C8B: variants seen among roughly 807,000 people sequenced by gnomAD.
C8B encodes the protein complement component C8 beta chain.
Under a neutral mutation model 64.6 loss-of-function variants are expected in C8B, and 67 were observed. The observed-to-expected ratio is 1.04, with a 90% CI of 0.85 to 1.27. The LOEUF (loss-of-function observed/expected upper bound fraction) is 1.27, where lower values mean the gene tolerates loss of function less well. C8B is among the 50% of genes most tolerant of loss of function. The pLI is 0.00. For missense variants in C8B, 790 were observed against 725.2 expected, an observed-to-expected ratio of 1.09 and a Z score of -1.03; for synonymous variants, 284 against 257.7, an observed-to-expected ratio of 1.10 and a Z score of -0.98.
At chr1:56,956,170 T>G (rs1052289607) in intron 3 of C8B, among the ~76,000 whole-genome samples, 1 of 152,208 alleles carries the variant, frequency 6.6e-6, no homozygotes. Context: ...GATTTATCAG[T>G]GATAAATGAT....
chr1:56,938,898 A>AAG (rs1553180169), intron 9 of C8B, among the ~76,000 whole-genome samples: 3 of 152,104 alleles, frequency 2.0e-5, no homozygotes, highest in Admixed American at 2.0e-4. Context: ...CCAGAAAAAA[A>AAG]AAATGCATGT....
At chr1:56,932,065 G>C (rs612563) in intron 10 of C8B, among the ~76,000 whole-genome samples, 187 bp from the exon 11 acceptor site, 48,446 of 152,038 alleles carry the variant, frequency 0.32, 8,264 homozygotes, top group East Asian at 0.52. Flanking sequence ...TGCCACGAAG[G>C]GGTGTTTATT....
chr1:56,952,905 A>G (rs1645046953), intron 4 of C8B, among the ~76,000 whole-genome samples: 1 of 152,212 alleles, frequency 6.6e-6, no homozygotes, highest in African/African-American at 2.4e-5. Flanking sequence ...TGTGCTATTT[A>G]TGTATTTGTC....
At position 56,929,434 on chromosome 1, in the gene C8B, G is replaced by A. The variant is rs201800989; in HGVS notation, c.1746C>T (p.Gly582=). The A allele has an allele frequency of 1.6e-5, 25 of 1,612,290 alleles. No individual in the cohort carries two copies. In the South Asian group the frequency reaches 2.6e-4, roughly 17 times the overall value. ...AGCAGTCAAGTGTTTCTGAAGCAGG[G>A]CCTGAACAGGGGCTACCCCCATTTT... ...PPQNGGSPCS[G]PASETLDCS The change falls in exon 12 of 12, where the codon GGC becomes GGT. Residue 582 remains glycine (G), a synonymous_variant. Transcript: ENST00000371237.
rs768540351 is a variant in C8B at position 56,949,671 on chromosome 1, T to G, written c.748A>C (p.Ser250Arg). ...AAACCAAAACTGAAACCAGACTTGCTTGCCATTTTCTCTGTGACATTGCGT... is the reference window on the plus strand; with the variant it reads ...AAACCAAAACTGAAACCAGACTTGCGTGCCATTTTCTCTGTGACATTGCGT... Reference protein sequence around the residue: ...FERNVTEKMASKSGFSFGFKI... With the variant: ...FERNVTEKMARKSGFSFGFKI... The change falls in exon 6 of 12, where the codon AGC becomes CGC. Residue 250 changes from serine (S) to arginine (R), a missense_variant. Ser to Arg is a moderately radical substitution (Grantham distance 110, BLOSUM62 -1). Coordinates refer to ENST00000371237, the MANE Select transcript of C8B (RefSeq NM_000066.4). The G allele has an allele frequency of 1.7e-5, 28 of 1,613,940 alleles. No homozygotes were observed. The highest frequency in any genetic ancestry group is 2.2e-5 in the Non-Finnish European group (26 of 1,179,956).
rs746431472 is a variant in C8B at position 56,949,538 on chromosome 1, AAC to A, written c.864+15_864+16del. ...TAAGACAACATATACGTTTAAAAGC[AAC>A]AAAGACATACTTACAGTATGAGAGA... On this transcript the variant is annotated intron_variant, in intron 6 of 11. Coordinates refer to ENST00000371237, the MANE Select transcript of C8B (RefSeq NM_000066.4). The A allele has an allele frequency of 1.1e-5, 17 of 1,607,316 alleles. No homozygotes were observed. In the African/African-American group the frequency reaches 1.9e-4, roughly 18 times the overall value.
chr1:56,934,164 C>CTTTTTTTTTTTTTT (rs60467453), intron 9 of C8B, among the ~76,000 whole-genome samples: 9 of 143,418 alleles, frequency 6.3e-5, no homozygotes, highest in African/African-American at 7.8e-5. Flanking sequence ...GTGCAGGGTC[C>CTTTTTTTTTTTTTT]TTTTTTTTTT....
chr1:56,964,157 C>T (rs1048114089), intron 1 of C8B: 39 of 201,982 alleles, frequency 1.9e-4, no homozygotes, highest in Non-Finnish European at 3.0e-4. Flanking sequence ...TTACACCCAC[C>T]TCATGATGTT....
chr1:56,965,229 T>A (rs1238590947), intron 1 of C8B, among the ~76,000 whole-genome samples: 1 of 152,188 alleles, frequency 6.6e-6, no homozygotes, highest in Non-Finnish European at 1.5e-5. Flanking sequence ...ATCCCCACAT[T>A]GCTACGTCAC....
intron 6 of C8B, among the ~76,000 whole-genome samples, chr1:56,947,313 C>T (rs748687320): frequency 4.6e-5 from 7 of 152,198 alleles, no homozygotes; most frequent in Non-Finnish European, 8.8e-5. Flanking sequence ...CTTCTACACT[C>T]CTGAAGTTTT....
At chr1:56,939,142 T>C (rs1644814702) in intron 9 of C8B, among the ~76,000 whole-genome samples, 1 of 152,154 alleles carries the variant, frequency 6.6e-6, no homozygotes, top group Non-Finnish European at 1.5e-5. Context: ...CTCAGTTTTT[T>C]AAAAAAGATT....
chr1:56,946,127 A>C (rs1206652646), intron 6 of C8B, 66 bp from the exon 7 acceptor site: 31 of 1,587,094 alleles, frequency 2.0e-5, no homozygotes, highest in Non-Finnish European at 2.6e-5. Context: ...GAGAAGATGA[A>C]CTTTACAAAT....
chr1:56,931,941 C>T, intron 10 of C8B, 63 bp from the exon 11 acceptor site: 3 of 1,167,304 alleles, frequency 2.6e-6, no homozygotes. Context: ...TCCTGGAGCT[C>T]AGCCCTCCAA....
chr1:56,952,090 C>T lies in C8B; in HGVS notation c.624G>A (p.Thr208=), dbSNP rs148088012. ...GGCSPHYILN[T]RFRKPYNVES... ...CCACATTGTAGGGCTTCCTAAACCT[C>T]GTGTTCAGGATGTAATGCGGGGAGC... The change falls in exon 5 of 12, where the codon ACG becomes ACA. Residue 208 remains threonine, a synonymous_variant. Transcript: ENST00000371237. The T allele has an allele frequency of 9.4e-5, 152 of 1,614,142 alleles. No homozygotes were observed. The highest frequency in any genetic ancestry group is 3.5e-4 in the Admixed American group (21 of 60,024).
intron 10 of C8B, among the ~76,000 whole-genome samples, chr1:56,932,727 T>C (rs781005576): frequency 6.6e-6 from 1 of 152,184 alleles, no homozygotes; most frequent in African/African-American, 2.4e-5. Flanking sequence ...AGAATACACC[T>C]TCTTCTATAT....
chr1:56,942,400 C>A (rs1644876295), intron 8 of C8B, among the ~76,000 whole-genome samples: 1 of 152,282 alleles, frequency 6.6e-6, no homozygotes, highest in South Asian at 2.1e-4. Flanking sequence ...TCCCCAGTGC[C>A]AAAAGAACTG....
At chr1:56,945,779 C>T in intron 7 of C8B, 42 bp downstream of exon 7, 2 of 1,613,074 alleles carry the variant, frequency 1.2e-6, no homozygotes, top group Non-Finnish European at 1.7e-6. Flanking sequence ...TATGACTCTT[C>T]CCCCAGCTTT....
chr1:56,943,474 GA>G (rs1369072839), intron 8 of C8B, among the ~76,000 whole-genome samples: 1 of 152,198 alleles, frequency 6.6e-6, no homozygotes, highest in African/African-American at 2.4e-5. Flanking sequence ...CACAGGACTG[GA>G]AGGATTATAT....
Position 56,940,988 on chromosome 1 carries a change from A to C in C8B, c.1259T>G (p.Val420Gly). 2.5e-6 allele frequency: 4 copies of C among 1,614,058 alleles called. No homozygotes were observed. Among genetic ancestry groups the C allele is most frequent in the Non-Finnish European group, 2.5e-6 (3 of 1,180,008 alleles). The part of the protein sequence containing the change: ...IKDRNKRDTM[V>G]EDLVVLVRGG... ...TCGTACCAGGACCACCAAGTCCTCC[A>C]CCATGGTGTCCCTCTTGTTTCTGTC... is the stretch of plus-strand genomic sequence containing the variant. The change falls in exon 9 of 12, where the codon GTG becomes GGG. Residue 420 changes from valine to glycine, a missense_variant. By Grantham distance (109) the Val-to-Gly change is moderately radical (BLOSUM62 -3). Transcript: ENST00000371237.
Sources: allele counts gnomAD v4.1 joint callset (sites outside exome capture counted in the v4.1 genomes callset), GRCh38; gene constraint gnomAD v4.1.1; transcripts MANE v1.5; gene names NCBI Gene and HGNC (gene_info 2026-07-23, HGNC 2026-07-21).